The following COX16 variants were observed in gnomAD, a reference collection of about 807,000 sequenced individuals.
The protein encoded by COX16 is cytochrome c oxidase assembly factor COX16, also known as cytochrome c oxidase assembly protein COX16 homolog, mitochondrial.
COX16 carries 12 observed loss-of-function variants against 15.4 expected under a neutral mutation model. The ratio of observed to expected loss-of-function variants is 0.78; its 90% CI spans 0.50 to 1.26. COX16 has a LOEUF of 1.26. Among genes scored for constraint, COX16 ranks in the 50% most tolerant of loss-of-function variants. The pLI, the probability that COX16 is intolerant of heterozygous loss-of-function variation, is 0.00. For missense variants in COX16, 124 were observed against 127.6 expected (o/e 0.97, Z 0.14); for synonymous variants, 46 against 41.1 (o/e 1.12, Z -0.46).
chr14:70,350,194 G>A (rs1379522174), intron 1 of COX16, among the ~76,000 whole-genome samples: 1 of 152,180 alleles, frequency 6.6e-6, no homozygotes, highest in Non-Finnish European at 1.5e-5. Context: ...TGCGCCAGCA[G>A]GGTGCGCCAG....
intron 1 of COX16, among the ~76,000 whole-genome samples, chr14:70,343,153 A>G (rs889038385): frequency 5.9e-5 from 9 of 152,216 alleles, no homozygotes; most frequent in African/African-American, 1.9e-4. Context: ...TGTCTCTGTA[A>G]TTCCATTGCT....
intron 1 of COX16, among the ~76,000 whole-genome samples, chr14:70,351,827 G>C (rs1019600567): frequency 6.6e-6 from 1 of 152,036 alleles, no homozygotes; most frequent in African/African-American, 2.4e-5. Context: ...AATTATAAAA[G>C]TTTATGTTTT....
chr14:70,359,150 C>T lies in COX16; in HGVS notation c.69+369G>A. On this transcript the variant is annotated intron_variant, in intron 1 of 3. Transcript: ENST00000389912. ...GCTAAGTTGGGGGCGAGGAAGCAAG[C>T]TTAGTAATCATCCAAACTTGGCTTA... 22 of 464,600 alleles carry T rather than the reference C, an allele frequency of 4.7e-5. 2 individuals carry two copies. Among genetic ancestry groups the T allele is most frequent in the South Asian group, 3.2e-4 (21 of 64,632 alleles). The allele number at this position is 464,600 out of a possible 1,614,324, so 28.8% of individuals were successfully genotyped here. A position where few individuals can be genotyped will look rare whatever the true frequency, so the allele number is the denominator to read the frequency against.
intron 2 of COX16, among the ~76,000 whole-genome samples, chr14:70,331,254 C>T (rs1257310517): frequency 6.6e-6 from 1 of 152,152 alleles, no homozygotes; most frequent in Non-Finnish European, 1.5e-5. Context: ...GATCCACCTG[C>T]CTCGGCCTCG....
intron 3 of COX16, among the ~76,000 whole-genome samples, chr14:70,327,465 A>G (rs1300297380): frequency 6.6e-6 from 1 of 151,980 alleles, no homozygotes; most frequent in Non-Finnish European, 1.5e-5. Flanking sequence ...TAGAACTACA[A>G]GTTAGCAAGT....
At chr14:70,339,536 CTT>C (rs1396752753) in intron 2 of COX16, among the ~76,000 whole-genome samples, 1 of 152,172 alleles carries the variant, frequency 6.6e-6, no homozygotes, top group Non-Finnish European at 1.5e-5. Flanking sequence ...CCCATCCTCT[CTT>C]GATCCAATTT....
chr14:70,358,272 A>T (rs1294852382), intron 1 of COX16, among the ~76,000 whole-genome samples: 1 of 152,048 alleles, frequency 6.6e-6, no homozygotes, highest in Non-Finnish European at 1.5e-5. Context: ...TTTGGGGGCA[A>T]TGAAAATGTT....
chr14:70,337,067 C>G (rs1452810848), intron 2 of COX16, among the ~76,000 whole-genome samples: 1 of 152,108 alleles, frequency 6.6e-6, no homozygotes, highest in Non-Finnish European at 1.5e-5. Context: ...GGTTTGAAAC[C>G]AGGCAGATGG....
At chr14:70,351,235 T>C (rs925793534) in intron 1 of COX16, among the ~76,000 whole-genome samples, 2 of 152,178 alleles carry the variant, frequency 1.3e-5, no homozygotes, top group African/African-American at 4.8e-5. Context: ...AATCCATGTA[T>C]AAGCACAGAC....
intron 2 of COX16, among the ~76,000 whole-genome samples, chr14:70,330,999 A>G (rs1460649849): frequency 6.6e-6 from 1 of 152,172 alleles, no homozygotes; most frequent in Non-Finnish European, 1.5e-5. Flanking sequence ...AAGAAGAATA[A>G]AATATATTGT....
chr14:70,356,352 C>T (rs1454723761), intron 1 of COX16, among the ~76,000 whole-genome samples: 1 of 152,130 alleles, frequency 6.6e-6, no homozygotes, highest in Non-Finnish European at 1.5e-5. Context: ...GAATCTAATG[C>T]CACCTCTGAT....
In COX16 at chr14:70,325,892, A is replaced by G. The variant is rs1380179531; in HGVS notation, c.*441T>C. ...GTGATCATTTTTCTTTCCCTAATAG[A>G]TATGAGAGAAAATTACTGCTTGATT... On this transcript the variant is annotated 3_prime_UTR_variant, in exon 4 of 4. Coordinates refer to ENST00000389912, the MANE Select transcript of COX16 (RefSeq NM_016468.7). The G allele has an allele frequency of 6.6e-6, 1 of 152,440 alleles. No homozygotes were observed. The highest frequency in any genetic ancestry group is 1.5e-5 in the Non-Finnish European group (1 of 68,232). The allele number at this position is 152,440 out of a possible 1,614,324, so 9.4% of individuals were successfully genotyped here. A position where few individuals can be genotyped will look rare whatever the true frequency, so the allele number is the denominator to read the frequency against.
At position 70,326,386 on chromosome 14, in the gene COX16, G is replaced by C. The variant is rs371031638; in HGVS notation, c.268C>G (p.Pro90Ala). Residue 90 changes from proline (P) to alanine (A), a missense_variant, in exon 4 of 4, where the codon CCT (proline) becomes GCT (alanine). Transcript: ENST00000389912. ...NIRGPRPWED[P>A]DLLQGRNPES... is the part of the protein sequence containing the mutation. ...GGATTTCTTCCTTGGAGGAGGTCAG[G>C]ATCTTCCCAAGGCCTGGGTCCTCGA... 1.9e-6 allele frequency: 3 copies of C among 1,599,052 alleles called. No homozygotes were observed. The African/African-American group carries it at 4.0e-5, about 22-fold the overall frequency.
intron 2 of COX16, among the ~76,000 whole-genome samples, chr14:70,338,968 CAG>C (rs566384343): frequency 6.0e-4 from 92 of 152,290 alleles, no homozygotes; most frequent in African/African-American, 2.1e-3. Context: ...ATTAAAGTAA[CAG>C]AGTCATTTAG....
chr14:70,339,467 T>A (rs74065314), intron 2 of COX16, among the ~76,000 whole-genome samples: 10,952 of 152,034 alleles, frequency 0.072, 453 homozygotes, highest in Middle Eastern at 0.12. Flanking sequence ...ACAATGACGG[T>A]TGGTCACCCC....
At chr14:70,354,641 C>T (rs543172745) in intron 1 of COX16, among the ~76,000 whole-genome samples, 9 of 152,272 alleles carry the variant, frequency 5.9e-5, no homozygotes, top group Non-Finnish European at 1.3e-4. Flanking sequence ...TGGACCTCGA[C>T]ATATGAGTCT....
chr14:70,357,458 T>C (rs1458944206), intron 1 of COX16, among the ~76,000 whole-genome samples: 3 of 152,204 alleles, frequency 2.0e-5, no homozygotes, highest in Non-Finnish European at 4.4e-5. Flanking sequence ...CATGGCTGAA[T>C]GTTGAAAGCA....
intron 1 of COX16, among the ~76,000 whole-genome samples, chr14:70,345,814 C>A (rs1414947010): frequency 2.0e-5 from 3 of 152,220 alleles, no homozygotes; most frequent in Middle Eastern, 6.8e-3. Context: ...CCCGACCCTA[C>A]CTCATTTTTC....
chr14:70,346,687 T>A (rs1020903799), intron 1 of COX16, among the ~76,000 whole-genome samples: 3 of 152,240 alleles, frequency 2.0e-5, no homozygotes, highest in East Asian at 1.9e-4. Flanking sequence ...ATTTTTTTTT[T>A]AATTAATACC....
Sources: gnomAD v4.1 joint callset for allele counts (sites outside exome capture counted in the v4.1 genomes callset) on GRCh38, gnomAD v4.1.1 for gene constraint, MANE v1.5 for transcripts, NCBI Gene and HGNC (gene_info 2026-07-23, HGNC 2026-07-21) for gene names.